The following GALNT10 variants were observed in gnomAD, a reference collection of about 807,000 sequenced individuals.
GALNT10 encodes GalNAc transferase 10.
Under a neutral mutation model 75.0 loss-of-function variants are expected in GALNT10, and 41 were observed. That is an observed-to-expected ratio of 0.55 (90% CI 0.43 to 0.71). The LOEUF (loss-of-function observed/expected upper bound fraction) is 0.71, where lower values mean the gene tolerates loss of function less well. Among genes scored for constraint, GALNT10 ranks in the 30% least tolerant of loss-of-function variants. GALNT10 has a pLI of 0.00. For missense variants in GALNT10, 727 were observed against 818.5 expected, an observed-to-expected ratio of 0.89 and a Z score of 1.36; for synonymous variants, 302 against 313.0, an observed-to-expected ratio of 0.96 and a Z score of 0.37.
intron 1 of GALNT10, among the ~76,000 whole-genome samples, chr5:154,248,861 A>G (rs1753472069): frequency 6.6e-6 from 1 of 152,206 alleles, no homozygotes; most frequent in Non-Finnish European, 1.5e-5. Flanking sequence ...GGTCATATAG[A>G]GGAGTCAGAG....
intron 1 of GALNT10, among the ~76,000 whole-genome samples, chr5:154,292,849 G>A (rs896334719): frequency 6.6e-6 from 1 of 152,134 alleles, no homozygotes; most frequent in African/African-American, 2.4e-5. Context: ...AGGCAGTGCC[G>A]GGGTCCCCTC....
intron 4 of GALNT10, among the ~76,000 whole-genome samples, chr5:154,364,474 T>G (rs753947692): frequency 1.3e-5 from 2 of 152,134 alleles, no homozygotes; most frequent in Non-Finnish European, 2.9e-5. Flanking sequence ...AATGGGAGGT[T>G]TCAAAATATT....
At chr5:154,350,260 A>G (rs1011213665) in intron 4 of GALNT10, among the ~76,000 whole-genome samples, 1 of 151,912 alleles carries the variant, frequency 6.6e-6, no homozygotes, top group Non-Finnish European at 1.5e-5. Flanking sequence ...TGGTTGTTCT[A>G]TAATGTCAGG....
chr5:154,265,011 C>A (rs918329818), intron 1 of GALNT10, among the ~76,000 whole-genome samples: 5 of 152,144 alleles, frequency 3.3e-5, no homozygotes, highest in Non-Finnish European at 7.4e-5. Flanking sequence ...ATTCCAGGGG[C>A]AGTAGTTAGG....
At chr5:154,343,606 A>C (rs1755067845) in intron 4 of GALNT10, among the ~76,000 whole-genome samples, 1 of 152,198 alleles carries the variant, frequency 6.6e-6, no homozygotes, top group African/African-American at 2.4e-5. Flanking sequence ...TTCCTCCTGA[A>C]ATGTCCAATA....
intron 1 of GALNT10, among the ~76,000 whole-genome samples, chr5:154,241,565 G>A (rs1460669705): frequency 6.6e-5 from 10 of 151,172 alleles, no homozygotes; most frequent in Admixed American, 6.6e-4. Context: ...ACATCACATT[G>A]TACTCCATAA....
At chr5:154,338,137 T>C in intron 4 of GALNT10, 2 of 892,160 alleles carry the variant, frequency 2.2e-6, no homozygotes, top group Non-Finnish European at 3.7e-6. Flanking sequence ...GGGCACCTGG[T>C]CTTTGAGAAT....
chr5:154,315,784 G>C (rs1041940530), intron 3 of GALNT10, among the ~76,000 whole-genome samples: 2 of 152,202 alleles, frequency 1.3e-5, no homozygotes. Context: ...GAAGGCATGG[G>C]CAAGGTAGGC....
chr5:154,236,657 T>C (rs1235365389), intron 1 of GALNT10, among the ~76,000 whole-genome samples: 1 of 152,250 alleles, frequency 6.6e-6, no homozygotes, highest in Non-Finnish European at 1.5e-5. Context: ...CTTGCTGCCA[T>C]TTGGCATTTT....
chr5:154,195,394 G>A (rs902014996), intron 1 of GALNT10, among the ~76,000 whole-genome samples: 3 of 152,224 alleles, frequency 2.0e-5, no homozygotes, highest in East Asian at 1.9e-4. Context: ...CTCCTCATGC[G>A]CAGTGGAGTG....
intron 7 of GALNT10, among the ~76,000 whole-genome samples, chr5:154,391,334 C>T (rs1343797109): frequency 2.6e-5 from 4 of 152,206 alleles, no homozygotes; most frequent in Admixed American, 2.6e-4. Flanking sequence ...GATCAATCAA[C>T]ACGTACCTTC....
intron 1 of GALNT10, among the ~76,000 whole-genome samples, chr5:154,271,979 A>G (rs1487385168): frequency 1.3e-5 from 2 of 152,212 alleles, no homozygotes; most frequent in Admixed American, 6.5e-5. Context: ...CTTCCTTATG[A>G]ATAGCTCAAA....
At position 154,323,732 on chromosome 5, in the gene GALNT10, T is replaced by A. The variant is rs1235633268; in HGVS notation, c.402-5840T>A. 3.3e-5 allele frequency among the ~76,000 whole-genome samples: 5 copies of A among 152,350 alleles called. No homozygotes were observed. In the East Asian group the frequency reaches 9.6e-4, roughly 29 times the overall value. Reference sequence around the variant, plus strand: ...TCGCCTCATTGAGCCTCCCTCAGCATCCCTTCCTCCTCGCAGGCTTGTCTT... The same window carrying A: ...TCGCCTCATTGAGCCTCCCTCAGCAACCCTTCCTCCTCGCAGGCTTGTCTT... On this transcript the variant is annotated intron_variant, in intron 3 of 11. Coordinates refer to ENST00000297107, the MANE Select transcript of GALNT10 (RefSeq NM_198321.4).
intron 7 of GALNT10, chr5:154,388,661 A>T (rs1032905036): frequency 6.8e-6 from 1 of 147,444 alleles, no homozygotes; most frequent in African/African-American, 2.5e-5. Context: ...GCCATGTTTT[A>T]TGGACCTCTG....
intron 1 of GALNT10, among the ~76,000 whole-genome samples, chr5:154,215,605 T>C (rs1752853431): frequency 6.6e-6 from 1 of 152,252 alleles, no homozygotes; most frequent in African/African-American, 2.4e-5. Flanking sequence ...CCCTGCCTTT[T>C]AGTTCTTCTA....
In GALNT10 at chr5:154,404,147, G is replaced by C. The variant is rs1323250970; in HGVS notation, c.1100G>C (p.Arg367Thr). The C allele has an allele frequency of 1.9e-6, 3 of 1,613,808 alleles. No homozygotes were observed. The highest frequency in any genetic ancestry group is 1.7e-5 in the Admixed American group (1 of 60,006). Residue 367 changes from arginine (R) to threonine (T), a missense_variant, in exon 8 of 12, where the codon AGG becomes ACG. By Grantham distance (71) the Arg-to-Thr change is moderately conservative. Transcript: ENST00000297107. ...GGRMEDIPCS[R>T]VGHIYRKYVP... Reference sequence around the variant, plus strand: ...CGCATGGAGGACATCCCCTGCTCCAGGGTGGGCCATATCTACAGGAAGTAT... The same window carrying C: ...CGCATGGAGGACATCCCCTGCTCCACGGTGGGCCATATCTACAGGAAGTAT...
chr5:154,239,335 G>A (rs1753296292), intron 1 of GALNT10, among the ~76,000 whole-genome samples: 1 of 152,180 alleles, frequency 6.6e-6, no homozygotes, highest in African/African-American at 2.4e-5. Flanking sequence ...TATAAGGCAG[G>A]GGTCCCCAAC....
At chr5:154,328,085 A>AT (rs1402738639) in intron 3 of GALNT10, among the ~76,000 whole-genome samples, 1 of 147,216 alleles carries the variant, frequency 6.8e-6, no homozygotes, top group Non-Finnish European at 1.5e-5. Flanking sequence ...TCGAAGGGGA[A>AT]AAAAAAAAAG....
rs1290766945 is a variant in GALNT10 at position 154,190,939 on chromosome 5, G to C, written c.73G>C (p.Val25Leu). 2 of 1,509,042 alleles carry C rather than the reference G, an allele frequency of 1.3e-6. No individual in the cohort carries two copies. Among genetic ancestry groups the C allele is most frequent in the Non-Finnish European group, 8.8e-7 (1 of 1,131,234 alleles). 93.5% of individuals were successfully genotyped at this position (1,509,042 alleles called of 1,614,324 possible). A position where few individuals can be genotyped will look rare whatever the true frequency, so the allele number is the denominator to read the frequency against. ...GGCGGCCCTGGTCCTCCTGCCCAAC[G>C]TGGGGCTTTGGGCGCTGTACCGCGA... is the stretch of plus-strand genomic sequence containing the variant. ...VLAALVLLPNVGLWALYRERQ... is the reference protein window; with the variant it reads ...VLAALVLLPNLGLWALYRERQ... The change falls in exon 1 of 12, where the codon GTG becomes CTG. Residue 25 changes from valine (V) to leucine (L), a missense_variant. Physicochemically the swap from Val to Leu is conservative, Grantham distance 32. Transcript: ENST00000297107.
Sources: gnomAD v4.1 joint callset for allele counts (sites outside exome capture counted in the v4.1 genomes callset) on GRCh38, gnomAD v4.1.1 for gene constraint, MANE v1.5 for transcripts, NCBI Gene and HGNC (gene_info 2026-07-23, HGNC 2026-07-21) for gene names.